The following PMEPA1 variants were observed in gnomAD, a reference collection of about 807,000 sequenced individuals.
The protein encoded by PMEPA1 is protein TMEPAI.
In PMEPA1, 11 loss-of-function variants were observed where a neutral mutation model predicts 23.0. The ratio of observed to expected loss-of-function variants is 0.48; its 90% CI spans 0.30 to 0.79. The LOEUF (loss-of-function observed/expected upper bound fraction) is 0.79. Among genes scored for constraint, PMEPA1 ranks in the 30% least tolerant of loss-of-function variants. The probability of loss-of-function intolerance (pLI) is 0.06; values close to 1 mark genes in which losing one functional copy is unlikely to be tolerated. For missense variants in PMEPA1, 377 were observed against 390.9 expected (o/e 0.96, Z 0.30); for synonymous variants, 204 against 166.4 (o/e 1.23, Z -1.74).
chr20:57,687,599 C>T (rs1200936641), intron 1 of PMEPA1, among the ~76,000 whole-genome samples: 1 of 152,242 alleles, frequency 6.6e-6, no homozygotes, highest in East Asian at 1.9e-4. Flanking sequence ...CAGGCAAATA[C>T]AACTTTTTTG....
At chr20:57,699,532 C>T (rs1600672832) in intron 1 of PMEPA1, among the ~76,000 whole-genome samples, 1 of 152,156 alleles carries the variant, frequency 6.6e-6, no homozygotes, top group East Asian at 1.9e-4. Context: ...AGTCTCTCTC[C>T]CTGTGCAACT....
chr20:57,658,820 C>G (rs6123716), intron 2 of PMEPA1, among the ~76,000 whole-genome samples: 1 of 152,166 alleles, frequency 6.6e-6, no homozygotes, highest in Non-Finnish European at 1.5e-5. Flanking sequence ...AGGGCAGGGC[C>G]GCCACCTCCC....
At position 57,709,576 on chromosome 20, in the gene PMEPA1, G is replaced by A; in HGVS notation, c.7C>T (p.Arg3Cys). 1 of 1,044,232 alleles carries A rather than the reference G, an allele frequency of 9.6e-7. No homozygotes were observed. The highest frequency in any genetic ancestry group is 1.2e-6 in the Non-Finnish European group (1 of 856,448). The allele number at this position is 1,044,232 out of a possible 1,614,324, so 64.7% of individuals were successfully genotyped here. Residue 3 changes from arginine (R) to cysteine (C), a missense_variant, in exon 1 of 4, where the codon CGC (arginine) becomes TGC (cysteine). Around this residue, in one of 3 missense-constraint regions of PMEPA1, gnomAD observed 198 missense variants for 196.3 expected, o/e 1.01. Transcript: ENST00000341744. Reference protein sequence around the residue: MHRLMGVNSTAAA... With the variant: MHCLMGVNSTAAA... ...GCGGTGCTGTTGACCCCCATCAAGC[G>A]GTGCATGGACGGCGCGGCGGCGCGG...
At chr20:57,653,578 CT>C (rs1323680911) in intron 2 of PMEPA1, among the ~76,000 whole-genome samples, 1 of 152,256 alleles carries the variant, frequency 6.6e-6, no homozygotes, top group Non-Finnish European at 1.5e-5. Flanking sequence ...TGCTCAAGCA[CT>C]TGCTGAATTT....
chr20:57,696,168 G>A lies in PMEPA1; in HGVS notation c.109+13306C>T, dbSNP rs187773112. ...GGGAAGTGTGTGGAGGATGGGAGGAGGAGGAAGGAGCAGAGGCCCCCAACC... is the reference window on the plus strand; with the variant it reads ...GGGAAGTGTGTGGAGGATGGGAGGAAGAGGAAGGAGCAGAGGCCCCCAACC... On this transcript the variant is annotated intron_variant, in intron 1 of 3. Transcript: ENST00000341744. Among the ~76,000 whole-genome samples the A allele has an allele frequency of 2.7e-3, 405 of 152,286 alleles. 3 individuals carry two copies. Among genetic ancestry groups the A allele is most frequent in the African/African-American group, 9.1e-3 (379 of 41,562 alleles).
intron 1 of PMEPA1, among the ~76,000 whole-genome samples, chr20:57,669,590 C>T (rs997678383): frequency 6.6e-6 from 1 of 152,242 alleles, no homozygotes; most frequent in African/African-American, 2.4e-5. Context: ...CTGGGAAGCA[C>T]AGCCACCGGT....
At chr20:57,662,409 G>A (rs983566660) in intron 1 of PMEPA1, among the ~76,000 whole-genome samples, 4 of 152,200 alleles carry the variant, frequency 2.6e-5, no homozygotes, top group Non-Finnish European at 5.9e-5. Context: ...TAGAGCTGGC[G>A]CGTCCTCCCA....
chr20:57,654,786 C>CA (rs1473218276), intron 2 of PMEPA1, among the ~76,000 whole-genome samples: 1 of 152,192 alleles, frequency 6.6e-6, no homozygotes, highest in Non-Finnish European at 1.5e-5. Context: ...GATTCTGTAG[C>CA]AGGAGGGCTG....
intron 1 of PMEPA1, among the ~76,000 whole-genome samples, chr20:57,694,675 T>C (rs1032065323): frequency 1.2e-3 from 176 of 152,246 alleles, no homozygotes; most frequent in African/African-American, 4.1e-3. Flanking sequence ...GTAAAACAGG[T>C]CTAGTAGCTC....
chr20:57,651,149 T>C lies in PMEPA1; in HGVS notation c.*904A>G, dbSNP rs1314954927. The stretch of plus-strand genomic sequence containing the variant: ...TCCGTGGTTAACTTTCCTATTTTGC[T>C]TGTGATTTAAAGGCTGTTCTGGGTC... On this transcript the variant is annotated 3_prime_UTR_variant, in exon 4 of 4. Transcript: ENST00000341744. 1 of 152,248 alleles carries C rather than the reference T, an allele frequency of 6.6e-6. No individual in the cohort carries two copies. The highest frequency in any genetic ancestry group is 6.5e-5 in the Admixed American group (1 of 15,290). The allele number at this position is 152,248 out of a possible 1,614,324, so 9.4% of individuals were successfully genotyped here.
chr20:57,650,066 T>C lies in PMEPA1; in HGVS notation c.*1987A>G, dbSNP rs1600765846. On this transcript the variant is annotated 3_prime_UTR_variant, in exon 4 of 4. Transcript: ENST00000341744. Reference sequence around the variant, plus strand: ...CTTCACGGAGAGGCAGGTTCTGCTGTTGCCAATGAACGAGAACTTTCTACT... The same window carrying C: ...CTTCACGGAGAGGCAGGTTCTGCTGCTGCCAATGAACGAGAACTTTCTACT... 1 of 152,568 alleles carries C rather than the reference T, an allele frequency of 6.6e-6. No individual in the cohort carries two copies. Among genetic ancestry groups the C allele is most frequent in the African/African-American group, 2.4e-5 (1 of 41,456 alleles). 9.5% of individuals were successfully genotyped at this position (152,568 alleles called of 1,614,324 possible). A position where few individuals can be genotyped will look rare whatever the true frequency, so the allele number is the denominator to read the frequency against.
chr20:57,670,206 G>A (rs157082), intron 1 of PMEPA1, among the ~76,000 whole-genome samples: 2 of 149,390 alleles, frequency 1.3e-5, no homozygotes, highest in Non-Finnish European at 3.0e-5. Context: ...GGGGTGGGGT[G>A]GGGGGGGTAG....
intron 1 of PMEPA1, among the ~76,000 whole-genome samples, chr20:57,696,161 G>A (rs917227505): frequency 3.9e-5 from 6 of 152,282 alleles, no homozygotes; most frequent in South Asian, 2.1e-4. Context: ...TGTGGAGGAT[G>A]GGAGGAGGAG....
At chr20:57,672,541 C>T (rs1205513577) in intron 1 of PMEPA1, among the ~76,000 whole-genome samples, 1 of 152,254 alleles carries the variant, frequency 6.6e-6, no homozygotes, top group Non-Finnish European at 1.5e-5. Flanking sequence ...GCTGGAGAGC[C>T]TCTGAGGGTC....
intron 1 of PMEPA1, among the ~76,000 whole-genome samples, chr20:57,689,603 G>A (rs964078523): frequency 2.0e-5 from 3 of 152,232 alleles, no homozygotes; most frequent in African/African-American, 7.2e-5. Flanking sequence ...AAAGGAACTA[G>A]TTCAAGGAGA....
At chr20:57,674,749 T>C (rs1447726762) in intron 1 of PMEPA1, among the ~76,000 whole-genome samples, 1 of 152,222 alleles carries the variant, frequency 6.6e-6, no homozygotes, top group East Asian at 1.9e-4. Flanking sequence ...GCAGCGCATA[T>C]ATTTATCGTG....
In PMEPA1 at chr20:57,652,197, C is replaced by T. The variant is rs372073634; in HGVS notation, c.720G>A (p.Pro240=). 102 of 1,609,240 alleles carry T rather than the reference C, an allele frequency of 6.3e-5. 1 individual carries two copies. The Middle Eastern group carries it at 2.3e-3, about 37-fold the overall frequency. ...TCTGCTGGTGCTGGAAGGAGGACCC[C>T]GGGTAGTGGCCGATGACCTCGCTGT... ...PTYSEVIGHY[P]GSSFQHQQSS... is the part of the protein sequence containing the mutation. The change falls in exon 4 of 4, where the codon CCG becomes CCA. Residue 240 remains proline (P), a synonymous_variant. Coordinates refer to ENST00000341744, the MANE Select transcript of PMEPA1 (RefSeq NM_020182.5). This position sits in a 1 kb window ranked among gnomAD's most constrained non-coding sequence, Gnocchi z 6.1.
At chr20:57,689,722 A>G (rs938477991) in intron 1 of PMEPA1, among the ~76,000 whole-genome samples, 1 of 151,962 alleles carries the variant, frequency 6.6e-6, no homozygotes, top group African/African-American at 2.4e-5. Flanking sequence ...GCCGCCCTGA[A>G]TCTGCCTCCC....
rs571813112 is a variant in PMEPA1, at chr20:57,659,599, G to A, written c.208C>T (p.Arg70Trp). The change falls in exon 2 of 4, where the codon CGG (arginine) becomes TGG (tryptophan). Residue 70 changes from arginine (R) to tryptophan (W), a missense_variant. Arg to Trp is a moderately radical substitution (Grantham distance 101). Transcript: ENST00000341744. ...TGGCTGTGCCGGCTGATGAAGGACCGTGCAGACAGCTTGTAGTGGCTCAGC... is the reference window on the plus strand; with the variant it reads ...TGGCTGTGCCGGCTGATGAAGGACCATGCAGACAGCTTGTAGTGGCTCAGC... Reference protein sequence around the residue: ...CLLSHYKLSARSFISRHSQGR... With the variant: ...CLLSHYKLSAWSFISRHSQGR... 15 of 1,613,604 alleles carry A rather than the reference G, an allele frequency of 9.3e-6. No homozygotes were observed. Among genetic ancestry groups the A allele is most frequent in the African/African-American group, 4.0e-5 (3 of 74,922 alleles).
Sources: gnomAD v4.1 joint callset for allele counts (sites outside exome capture counted in the v4.1 genomes callset) on GRCh38, gnomAD v4.1.1 for gene constraint, gnomAD v4.1.1 regional missense constraint, Gnocchi (gnomAD v3.1) non-coding constraint, MANE v1.5 for transcripts, NCBI Gene and HGNC (gene_info 2026-07-23, HGNC 2026-07-21) for gene names.